ATP6V0A2: variants seen among roughly 807,000 people sequenced by gnomAD.
ATP6V0A2 encodes the protein V-type proton ATPase 116 kDa subunit a 2.
In ATP6V0A2, 58 loss-of-function variants were observed where a neutral mutation model predicts 104.4. The ratio of observed to expected loss-of-function variants is 0.56; its 90% CI spans 0.45 to 0.69. The LOEUF (loss-of-function observed/expected upper bound fraction) is 0.69. ATP6V0A2 is among the 30% of genes least tolerant of loss of function. The probability of loss-of-function intolerance (pLI) is 0.00; values close to 1 mark genes in which losing one functional copy is unlikely to be tolerated. For synonymous variants in ATP6V0A2, 376 were observed against 397.9 expected (o/e 0.95, Z 0.65); for missense variants, 938 against 1,062.9 (o/e 0.88, Z 1.63).
rs78534480 is a variant in ATP6V0A2, at chr12:123,729,049, G to T, written c.648+1140G>T. Among the ~76,000 whole-genome samples, 151 of 152,034 alleles carry T rather than the reference G, an allele frequency of 9.9e-4. 3 individuals carry two copies. The East Asian group carries it at 0.027, about 27-fold the overall frequency. ...GCTGTGAAGTTACTCTTTTTTTTGT[G>T]TTTGAAACTGTAAATATCCTATTCT... On this transcript the variant is annotated intron_variant, in intron 6 of 19. Transcript: ENST00000330342.
In ATP6V0A2 at chr12:123,754,400, T is replaced by C. The variant is rs1956743766; in HGVS notation, c.2176-20T>C. The C allele has an allele frequency of 1.3e-6, 2 of 1,538,092 alleles. No individual in the cohort carries two copies. Among genetic ancestry groups the C allele is most frequent in the South Asian group, 1.1e-5 (1 of 89,502 alleles). On this transcript the variant is annotated intron_variant, in intron 17 of 19. Coordinates refer to ENST00000330342, the MANE Select transcript of ATP6V0A2 (RefSeq NM_012463.4). The stretch of plus-strand genomic sequence containing the variant: ...ATGTAACATCATGACTCTTAACATA[T>C]GTTGTGTGATCTCTCTCAGTTTAAT...
Position 123,758,018 on chromosome 12 carries a change from G to A in ATP6V0A2, c.2557G>A (p.Asp853Asn), listed in dbSNP as rs1400208410. Residue 853 changes from aspartate (D) to asparagine (N), a missense_variant, in exon 20 of 20, where the codon GAC (aspartate) becomes AAC (asparagine). Transcript: ENST00000330342. ...ACTTTCATCAAAGTTCAATAACGACGACAGTGTGGCATGATCATATTGCTG... is the reference window on the plus strand; with the variant it reads ...ACTTTCATCAAAGTTCAATAACGACAACAGTGTGGCATGATCATATTGCTG... ...SLLSSKFNNDDSVA is the reference protein window; with the variant it reads ...SLLSSKFNNDNSVA 1.9e-6 allele frequency: 3 copies of A among 1,609,860 alleles called. No individual in the cohort carries two copies. Among genetic ancestry groups the A allele is most frequent in the East Asian group, 2.2e-5 (1 of 44,820 alleles).
chr12:123,741,587 T>G (rs1402710289), intron 9 of ATP6V0A2, among the ~76,000 whole-genome samples: 2 of 152,160 alleles, frequency 1.3e-5, no homozygotes, highest in African/African-American at 4.8e-5. Context: ...ACTACAGGCA[T>G]GCACTACTAT....
chr12:123,754,417 C>T lies in ATP6V0A2; in HGVS notation c.2176-3C>T, dbSNP rs778057149. On this transcript the variant is annotated splice_region_variant and splice_polypyrimidine_tract_variant and intron_variant, in intron 17 of 19. Coordinates refer to ENST00000330342, the MANE Select transcript of ATP6V0A2 (RefSeq NM_012463.4). ...TTAACATATGTTGTGTGATCTCTCT[C>T]AGTTTAATTTTGGAGAAATATTAAT... The T allele has an allele frequency of 1.3e-6, 2 of 1,594,056 alleles. No individual in the cohort carries two copies. Among genetic ancestry groups the T allele is most frequent in the African/African-American group, 1.3e-5 (1 of 74,630 alleles).
rs368219143 is a variant in ATP6V0A2 at position 123,749,752 on chromosome 12, C to T, written c.1935+967C>T. Among the ~76,000 whole-genome samples the T allele has an allele frequency of 2.6e-5, 4 of 152,332 alleles. No individual in the cohort carries two copies. The East Asian group carries it at 5.8e-4, about 22-fold the overall frequency. On this transcript the variant is annotated intron_variant, in intron 15 of 19. Transcript: ENST00000330342. ...CACGGATGCTGGTCCAGACATGGCT[C>T]ACCACGTTGTAAAGTGTCTGTGAGG...
chr12:123,713,973 C>T (rs138038800), intron 1 of ATP6V0A2, among the ~76,000 whole-genome samples: 4 of 152,244 alleles, frequency 2.6e-5, no homozygotes, highest in East Asian at 1.9e-4. Context: ...AGATGCAGGG[C>T]GGTTCCTGGT....
chr12:123,735,426 A>G (rs1956542771), intron 7 of ATP6V0A2, 105 bp from the exon 8 acceptor site: 4 of 1,063,126 alleles, frequency 3.8e-6, no homozygotes, highest in South Asian at 2.6e-5. Flanking sequence ...GTGTCTCCCA[A>G]ACGGCTGCTT....
intron 1 of ATP6V0A2, among the ~76,000 whole-genome samples, chr12:123,715,883 C>A (rs1194140440): frequency 6.6e-6 from 1 of 152,020 alleles, no homozygotes; most frequent in African/African-American, 2.4e-5. Context: ...ATTAAATATT[C>A]TTTTACAACT....
intron 7 of ATP6V0A2, among the ~76,000 whole-genome samples, chr12:123,734,446 C>T (rs534203339): frequency 2.8e-4 from 43 of 152,262 alleles, no homozygotes; most frequent in African/African-American, 1.0e-3. Context: ...CAGAGCCTCC[C>T]TGTGTCGCTG....
rs75755543 is a variant in ATP6V0A2, at chr12:123,751,197, C to A, written c.2023C>A (p.His675Asn). ...LGKPLFLLWLHNGRSCFGVNR... is the reference protein window; with the variant it reads ...LGKPLFLLWLNNGRSCFGVNR... ...AAAGCCACTGTTTTTGTTGTGGCTT[C>A]ACAATGGGCGTAGTTGCTTCGGGGT... Residue 675 changes from histidine to asparagine, a missense_variant, in exon 16 of 20, where the codon CAC (histidine) becomes AAC (asparagine). Transcript: ENST00000330342. 6.2e-7 allele frequency: 1 copy of A among 1,614,188 alleles called. No homozygotes were observed. Among genetic ancestry groups the A allele is most frequent in the South Asian group, 1.1e-5 (1 of 91,084 alleles).
At position 123,743,768 on chromosome 12, in the gene ATP6V0A2, C is replaced by T; in HGVS notation, c.1039-17C>T. 3 of 1,613,722 alleles carry T rather than the reference C, an allele frequency of 1.9e-6. No homozygotes were observed. In the East Asian group the frequency reaches 6.7e-5, roughly 36 times the overall value. On this transcript the variant is annotated splice_polypyrimidine_tract_variant and intron_variant, in intron 9 of 19. Transcript: ENST00000330342. ...TCTTGGATAGTAATTTTTTATCTTT[C>T]CTTGTTTATGTGGAAGAGAGAGAGT...
At position 123,734,023 on chromosome 12, in the gene ATP6V0A2, C is replaced by A; in HGVS notation, c.731+15C>A. On this transcript the variant is annotated intron_variant, in intron 7 of 19. Coordinates refer to ENST00000330342, the MANE Select transcript of ATP6V0A2 (RefSeq NM_012463.4). ...ATATGTGATTGGTAAGAAAAAGAAACATTTCATTTCATTTATGTCTTTATA... is the reference window on the plus strand; with the variant it reads ...ATATGTGATTGGTAAGAAAAAGAAAAATTTCATTTCATTTATGTCTTTATA... The A allele has an allele frequency of 6.3e-7, 1 of 1,578,784 alleles. No homozygotes were observed. The highest frequency in any genetic ancestry group is 1.1e-5 in the South Asian group (1 of 90,370).
Position 123,722,360 on chromosome 12 carries a change from T to A in ATP6V0A2, c.206T>A (p.Val69Glu). 1 of 1,597,066 alleles carries A rather than the reference T, an allele frequency of 6.3e-7. No homozygotes were observed. Among genetic ancestry groups the A allele is most frequent in the Non-Finnish European group, 8.6e-7 (1 of 1,164,432 alleles). Reference sequence around the variant, plus strand: ...ACTTTTATTTTCACAGTGTATTTGGTACAGGAAATTAATAGAGCTGATATT... The same window carrying A: ...ACTTTTATTTTCACAGTGTATTTGGAACAGGAAATTAATAGAGCTGATATT... ...EELERILVYL[V>E]QEINRADIPL... is the part of the protein sequence containing the mutation. Residue 69 changes from valine (V) to glutamate (E), a missense_variant, in exon 3 of 20, where the codon GTA (valine) becomes GAA (glutamate). Val to Glu is a moderately radical substitution (Grantham distance 121). Transcript: ENST00000330342.
intron 5 of ATP6V0A2, 62 bp from the exon 6 acceptor site, chr12:123,727,721 A>G: frequency 6.2e-7 from 1 of 1,600,364 alleles, no homozygotes; most frequent in Non-Finnish European, 8.5e-7. Context: ...CATCATTCTT[A>G]ATGTAGTTTG....
At position 123,744,435 on chromosome 12, in the gene ATP6V0A2, T is replaced by A; in HGVS notation, c.1326+98T>A. The A allele has an allele frequency of 6.3e-7, 1 of 1,582,544 alleles. No individual in the cohort carries two copies. Among genetic ancestry groups the A allele is most frequent in the South Asian group, 1.1e-5 (1 of 89,896 alleles). ...TTAGATGTTTGCTGTAGGCTGCGGC[T>A]GTGCTGGGCAGGTGTGTGGCCTGTC... On this transcript the variant is annotated intron_variant, in intron 11 of 19. Transcript: ENST00000330342. The surrounding 1 kb of genome is among the most constrained non-coding windows in gnomAD (Gnocchi z 5.4).
intron 9 of ATP6V0A2, among the ~76,000 whole-genome samples, chr12:123,743,453 A>G (rs2058991823): frequency 6.6e-6 from 1 of 152,206 alleles, no homozygotes; most frequent in African/African-American, 2.4e-5. Flanking sequence ...CGGGAGTTCG[A>G]GACCAGCCTG....
At chr12:123,716,619 C>T (rs1169350706) in intron 1 of ATP6V0A2, among the ~76,000 whole-genome samples, 1 of 151,786 alleles carries the variant, frequency 6.6e-6, no homozygotes, top group Non-Finnish European at 1.5e-5. Flanking sequence ...GGCGAAACCC[C>T]ATCTCTACCC....
Position 123,744,447 on chromosome 12 carries a change from G to GT in ATP6V0A2, c.1326+111dup. The GT allele has an allele frequency of 6.4e-7, 1 of 1,566,478 alleles. No individual in the cohort carries two copies. The highest frequency in any genetic ancestry group is 8.8e-7 in the Non-Finnish European group (1 of 1,141,080). On this transcript the variant is annotated intron_variant, in intron 11 of 19. Coordinates refer to ENST00000330342, the MANE Select transcript of ATP6V0A2 (RefSeq NM_012463.4). The surrounding 1 kb of genome is among the most constrained non-coding windows in gnomAD (Gnocchi z 5.4). ...TGTAGGCTGCGGCTGTGCTGGGCAG[G>GT]TGTGTGGCCTGTCAGCTGCGGCTGA...
In ATP6V0A2 at chr12:123,744,982, C is replaced by T. The variant is rs141356918; in HGVS notation, c.1605+10C>T. Reference sequence around the variant, plus strand: ...CCTTGGCATTGATCCTGTGAGTGCACCACGCTCTGTCGTTGTCTCTGGATG... The same window carrying T: ...CCTTGGCATTGATCCTGTGAGTGCATCACGCTCTGTCGTTGTCTCTGGATG... On this transcript the variant is annotated intron_variant, in intron 13 of 19. Coordinates refer to ENST00000330342, the MANE Select transcript of ATP6V0A2 (RefSeq NM_012463.4). The surrounding 1 kb of genome is among the most constrained non-coding windows in gnomAD (Gnocchi z 5.4). The T allele has an allele frequency of 1.8e-5, 29 of 1,612,962 alleles. No homozygotes were observed. In the African/African-American group the frequency reaches 3.7e-4, roughly 21 times the overall value.
Sources: allele counts gnomAD v4.1 joint callset (sites outside exome capture counted in the v4.1 genomes callset), GRCh38; gene constraint gnomAD v4.1.1; non-coding constraint Gnocchi (gnomAD v3.1); transcripts MANE v1.5; gene names NCBI Gene and HGNC (gene_info 2026-07-23, HGNC 2026-07-21).